Variants in CFHR4 observed in about 807,000 individuals in gnomAD.
CFHR4 encodes complement factor H-related protein 4.
A neutral mutation model predicts 69.3 loss-of-function variants in CFHR4; 64 were observed. The observed-to-expected ratio is 0.92, with a 90% CI of 0.76 to 1.14. CFHR4 has a LOEUF of 1.14. CFHR4 is among the 50% of genes most tolerant of loss of function. CFHR4 has a pLI of 0.00. For missense variants in CFHR4, 636 were observed against 684.9 expected (o/e 0.93, Z 0.80); for synonymous variants, 244 against 237.0 (o/e 1.03, Z -0.27).
chr1:196,894,137 T>C (rs1007393528), intron 1 of CFHR4, among the ~76,000 whole-genome samples: 2 of 151,582 alleles, frequency 1.3e-5, no homozygotes, highest in Admixed American at 6.6e-5. Context: ...CCGTTGTTAA[T>C]GTCACAGAAT....
intron 1 of CFHR4, among the ~76,000 whole-genome samples, chr1:196,901,514 A>G (rs1178126061): frequency 2.6e-5 from 4 of 151,324 alleles, no homozygotes; most frequent in Admixed American, 1.3e-4. Flanking sequence ...TGTGTGGTGC[A>G]TATGTTGGAA....
rs1438035914 is a variant in CFHR4, at chr1:196,907,517, G to T, written c.799+19G>T. ...TGCATATGTAAGTTCTTAATATTCT[G>T]GATCTGAGAAAATTAGAGTAATAAC... is the stretch of plus-strand genomic sequence containing the variant. On this transcript the variant is annotated intron_variant, in intron 5 of 9. Transcript: ENST00000608469. The T allele has an allele frequency of 4.4e-6, 7 of 1,585,132 alleles. No homozygotes were observed. In the East Asian group the frequency reaches 1.3e-4, roughly 30 times the overall value.
intron 1 of CFHR4, among the ~76,000 whole-genome samples, chr1:196,888,987 A>G (rs1485124036): frequency 1.4e-5 from 2 of 143,626 alleles, no homozygotes; most frequent in African/African-American, 5.3e-5. Flanking sequence ...AAAGAACTAT[A>G]TTGTATGTAA....
intron 1 of CFHR4, among the ~76,000 whole-genome samples, chr1:196,899,893 T>C (rs1657502910): frequency 6.6e-6 from 1 of 151,600 alleles, no homozygotes; most frequent in Non-Finnish European, 1.5e-5. Flanking sequence ...TACAGCATTT[T>C]ATTCTCAGGC....
intron 7 of CFHR4, among the ~76,000 whole-genome samples, chr1:196,914,087 T>C (rs1190483856): frequency 6.6e-6 from 1 of 151,498 alleles, no homozygotes; most frequent in Non-Finnish European, 1.5e-5. Context: ...ATCTAATATA[T>C]ACACCCTTAC....
chr1:196,894,175 ACTT>A (rs1192598586), intron 1 of CFHR4, among the ~76,000 whole-genome samples: 2 of 151,566 alleles, frequency 1.3e-5, no homozygotes, highest in African/African-American at 4.9e-5. Context: ...TGTGCCCAAA[ACTT>A]AATAATTCAC....
chr1:196,906,805 T>G, intron 3 of CFHR4, 56 bp from the exon 4 acceptor site: 1 of 1,524,548 alleles, frequency 6.6e-7, no homozygotes, highest in Non-Finnish European at 8.8e-7. Context: ...ACTTTCTTAG[T>G]CGAGTTGTAC....
chr1:196,914,350 G>T, intron 7 of CFHR4, 145 bp from the exon 8 acceptor site: 1 of 693,876 alleles, frequency 1.4e-6, no homozygotes, highest in Non-Finnish European at 2.2e-6. Flanking sequence ...AGCACAAAAA[G>T]CACTGATTGT....
At position 196,890,489 on chromosome 1, in the gene CFHR4, C is replaced by T. The variant is rs771724290; in HGVS notation, c.58+2281C>T. ...AATTTGTATTGAGCATTATTTCTTC[C>T]ATCAACTTGTAAGTTATTTACATTT... On this transcript the variant is annotated intron_variant, in intron 1 of 9. Transcript: ENST00000608469. Among the ~76,000 whole-genome samples, 131 of 151,490 alleles carry T rather than the reference C, an allele frequency of 8.6e-4. 4 individuals are homozygous for T. Among genetic ancestry groups the T allele is most frequent in the Non-Finnish European group, 8.2e-4 (56 of 67,948 alleles).
intron 4 of CFHR4, 117 bp downstream of exon 4, chr1:196,907,154 T>C (rs529507599): frequency 1.7e-6 from 2 of 1,189,202 alleles, no homozygotes; most frequent in South Asian, 1.4e-5. Context: ...GTAGTCCTCA[T>C]TTGAGTGTGA....
chr1:196,908,156 C>G (rs1229226459), intron 5 of CFHR4, among the ~76,000 whole-genome samples: 1 of 151,242 alleles, frequency 6.6e-6, no homozygotes, highest in Non-Finnish European at 1.5e-5. Flanking sequence ...CAGGGTCTGT[C>G]ACAGGATGGG....
rs747541418 is a variant in CFHR4 at position 196,910,268 on chromosome 1, T to G, written c.800-13T>G. The G allele has an allele frequency of 5.8e-6, 9 of 1,539,750 alleles. 1 individual carries two copies. The Admixed American group carries it at 1.6e-4, about 28-fold the overall frequency. ...GAAACATTATTTATACTATTTTTGT[T>G]TTTTGTTACAAGCAATGAAACCTTG... On this transcript the variant is annotated splice_polypyrimidine_tract_variant and intron_variant, in intron 5 of 9. Coordinates refer to ENST00000608469, the MANE Select transcript of CFHR4 (RefSeq NM_001201550.3).
intron 1 of CFHR4, among the ~76,000 whole-genome samples, chr1:196,891,995 G>A (rs12031992): frequency 1.3e-5 from 2 of 151,404 alleles, no homozygotes; most frequent in Non-Finnish European, 2.9e-5. Context: ...CTACATTTCA[G>A]ATTTTTTCTT....
chr1:196,898,039 A>T (rs1306895071), intron 1 of CFHR4, among the ~76,000 whole-genome samples: 1 of 151,068 alleles, frequency 6.6e-6, no homozygotes, highest in Non-Finnish European at 1.5e-5. Context: ...GGCCTTCCTT[A>T]TTTGCATTTT....
intron 9 of CFHR4, among the ~76,000 whole-genome samples, chr1:196,916,308 TC>T (rs1558253512): frequency 6.6e-6 from 1 of 151,794 alleles, no homozygotes; most frequent in African/African-American, 2.4e-5. Context: ...TACCCATCAG[TC>T]CTTGCATGTC....
intron 9 of CFHR4, among the ~76,000 whole-genome samples, chr1:196,915,795 A>T (rs944469444): frequency 6.6e-6 from 1 of 151,396 alleles, no homozygotes; most frequent in Non-Finnish European, 1.5e-5. Flanking sequence ...CACATATGAA[A>T]TATGGCATCT....
rs1009214834 is a variant in CFHR4, at chr1:196,914,582, G to A, written c.1268G>A (p.Cys423Tyr). The change falls in exon 8 of 10, where the codon TGC (cysteine) becomes TAC (tyrosine). Residue 423 changes from cysteine (C) to tyrosine (Y), a missense_variant. Coordinates refer to ENST00000608469, the MANE Select transcript of CFHR4 (RefSeq NM_001201550.3). ...CTCCATGACACATTGGACTACGAAT[G>A]CTACGATGGATATGAAATCAGTTAT... The part of the protein sequence containing the change: ...FKLHDTLDYE[C>Y]YDGYEISYGN... 4 of 1,611,780 alleles carry A rather than the reference G, an allele frequency of 2.5e-6. No individual in the cohort carries two copies. Among genetic ancestry groups the A allele is most frequent in the Non-Finnish European group, 3.4e-6 (4 of 1,179,144 alleles).
rs181498339 is a variant in CFHR4 at position 196,912,908 on chromosome 1, A to T, written c.1166A>T (p.Gln389Leu). 5.6e-3 allele frequency: 9,024 copies of T among 1,611,752 alleles called. 76 individuals are homozygous for T. Among genetic ancestry groups the T allele is most frequent in the Non-Finnish European group, 7.2e-3 (8,434 of 1,178,910 alleles). The change falls in exon 7 of 10, where the codon CAA (glutamine) becomes CTA (leucine). Residue 389 changes from glutamine (Q) to leucine (L), a missense_variant. Gln to Leu is a moderately radical substitution (Grantham distance 113). Around this residue, in one of 3 missense-constraint regions of CFHR4, gnomAD observed 529 missense variants for 533.2 expected, o/e 0.99. Transcript: ENST00000608469. ...ITCLQNGWSA[Q>L]PICIKFCDMP... ...TGTTTGCAAAATGGATGGTCAGCAC[A>T]ACCAATTTGCATTAGTAAGTGATTT...
intron 1 of CFHR4, among the ~76,000 whole-genome samples, chr1:196,894,020 G>A (rs557663805): frequency 4.0e-5 from 6 of 151,526 alleles, no homozygotes; most frequent in Non-Finnish European, 5.9e-5. Context: ...TTCCTCCGAA[G>A]CTGAATATTA....
Sources: allele counts gnomAD v4.1 joint callset (sites outside exome capture counted in the v4.1 genomes callset), GRCh38; gene constraint gnomAD v4.1.1; regional missense constraint gnomAD v4.1.1; transcripts MANE v1.5; gene names NCBI Gene and HGNC (gene_info 2026-07-23, HGNC 2026-07-21).